STK3: variants seen among roughly 807,000 people sequenced by gnomAD.
STK3 encodes the protein serine/threonine kinase 3.
Under a neutral mutation model 58.0 loss-of-function variants are expected in STK3, and 41 were observed. That is an observed-to-expected ratio of 0.71 (90% CI 0.55 to 0.92). The LOEUF is 0.92. Ranked by LOEUF, STK3 falls within the 40% of genes least tolerant of loss-of-function variation. The pLI, the probability that STK3 is intolerant of heterozygous loss-of-function variation, is 0.00. For missense variants in STK3, 479 were observed against 602.7 expected (o/e 0.79, Z 2.15); for synonymous variants, 170 against 191.0 (o/e 0.89, Z 0.91).
At chr8:98,932,391 A>G (rs914620609) in intron 1 of STK3, among the ~76,000 whole-genome samples, 7 of 152,230 alleles carry the variant, frequency 4.6e-5, no homozygotes, top group Non-Finnish European at 1.0e-4. Flanking sequence ...AGGTCTTTAA[A>G]TATCAATAGC....
intron 9 of STK3, among the ~76,000 whole-genome samples, chr8:98,532,009 A>G (rs1826201872): frequency 6.6e-6 from 1 of 152,224 alleles, no homozygotes; most frequent in Non-Finnish European, 1.5e-5. Context: ...AACTTTCTCC[A>G]TATCAGAAAG....
chr8:98,528,320 A>C (rs1215993067), intron 9 of STK3, among the ~76,000 whole-genome samples: 3 of 152,166 alleles, frequency 2.0e-5, no homozygotes, highest in African/African-American at 7.2e-5. Context: ...CTAAATAGGA[A>C]ATAAATATTT....
chr8:98,839,806 A>G (rs1587732381), intron 3 of STK3, among the ~76,000 whole-genome samples: 1 of 152,202 alleles, frequency 6.6e-6, no homozygotes, highest in East Asian at 1.9e-4. Context: ...AGATATTAGG[A>G]AAGTTATCTC....
chr8:98,416,477 A>T (rs879615750), intron 3 of STK3, among the ~76,000 whole-genome samples: 1 of 151,068 alleles, frequency 6.6e-6, no homozygotes, highest in Non-Finnish European at 1.5e-5. Flanking sequence ...AAACAAGAGC[A>T]AAGGAAATTA....
At chr8:98,698,217 T>C (rs1161126430) in intron 6 of STK3, among the ~76,000 whole-genome samples, 1 of 151,588 alleles carries the variant, frequency 6.6e-6, no homozygotes, top group African/African-American at 2.4e-5. Flanking sequence ...ATTTGCTTGG[T>C]AGATCTTCCT....
intron 6 of STK3, chr8:98,633,768 C>A: frequency 1.8e-6 from 1 of 562,542 alleles, no homozygotes; most frequent in Non-Finnish European, 3.3e-6. Flanking sequence ...AGAGAAGAAG[C>A]TTTTTAAGCT....
chr8:98,712,322 A>C (rs1826537093), intron 4 of STK3, among the ~76,000 whole-genome samples: 1 of 152,242 alleles, frequency 6.6e-6, no homozygotes, highest in Non-Finnish European at 1.5e-5. Flanking sequence ...GCTCCAATTA[A>C]AAGACACAGA....
chr8:98,544,480 G>C (rs1810532592), intron 9 of STK3, among the ~76,000 whole-genome samples: 1 of 152,012 alleles, frequency 6.6e-6, no homozygotes, highest in Admixed American at 6.6e-5. Context: ...ATATTTATCA[G>C]AGAATTTCAC....
intron 3 of STK3, among the ~76,000 whole-genome samples, chr8:98,424,973 G>A (rs1200399540): frequency 6.6e-6 from 1 of 152,200 alleles, no homozygotes; most frequent in African/African-American, 2.4e-5. Context: ...AGGCTGTCCC[G>A]TAGGTGCTGC....
intron 6 of STK3, among the ~76,000 whole-genome samples, chr8:98,640,798 A>G (rs1253028742): frequency 6.6e-6 from 1 of 151,694 alleles, no homozygotes; most frequent in Admixed American, 6.6e-5. Flanking sequence ...TATTCTAATA[A>G]AGAAAACATA....
intron 8 of STK3, among the ~76,000 whole-genome samples, chr8:98,557,195 G>A (rs1811662924): frequency 6.6e-6 from 1 of 152,030 alleles, no homozygotes; most frequent in Non-Finnish European, 1.5e-5. Flanking sequence ...TCGGGGGCTG[G>A]TGACTGCTTG....
At chr8:98,461,583 G>A (rs1470555944) in intron 10 of STK3, among the ~76,000 whole-genome samples, 2 of 152,154 alleles carry the variant, frequency 1.3e-5, no homozygotes, top group South Asian at 2.1e-4. Flanking sequence ...CAGGCCTTGT[G>A]AGTTTTACGC....
intron 3 of STK3, among the ~76,000 whole-genome samples, chr8:98,852,510 T>G (rs1366088791): frequency 1.3e-5 from 2 of 152,204 alleles, no homozygotes; most frequent in Non-Finnish European, 2.9e-5. Context: ...ATAAATCAAA[T>G]AATCAATCTA....
In STK3 at chr8:98,795,101, AAAATATATAT is replaced by A. The variant is rs1175599503; in HGVS notation, c.27-20292_27-20283del. On this transcript the variant is annotated intron_variant, in intron 1 of 10. Coordinates refer to ENST00000419617, the MANE Select transcript of STK3 (RefSeq NM_006281.4). ...TCGCAAAAAAAAAAAAAAAAAAAAA[AAAATATATAT>A]ATATATATATATATATATACATACT... 1.9e-4 allele frequency among the ~76,000 whole-genome samples: 8 copies of A among 42,486 alleles called. No individual in the cohort carries two copies. The South Asian group carries it at 6.7e-3, about 36-fold the overall frequency. 27.9% of individuals were successfully genotyped at this position (42,486 alleles called of 152,430 possible). A position where few individuals can be genotyped will look rare whatever the true frequency, so the allele number is the denominator to read the frequency against.
Position 98,512,120 on chromosome 8 carries a change from C to T in STK3, c.1317+14622G>A, listed in dbSNP as rs1824566110. ...ATATCTCCTAATGCTATCCCTCCCT[C>T]CTCCCCCCACCACACAACAGGCTCC... On this transcript the variant is annotated intron_variant, in intron 10 of 10. Transcript: ENST00000419617. Among the ~76,000 whole-genome samples the T allele has an allele frequency of 2.0e-5, 3 of 151,776 alleles. No individual in the cohort carries two copies. The South Asian group carries it at 6.2e-4, about 32-fold the overall frequency.
At chr8:98,559,304 G>A (rs964603181) in intron 8 of STK3, among the ~76,000 whole-genome samples, 2 of 152,072 alleles carry the variant, frequency 1.3e-5, no homozygotes, top group Admixed American at 6.6e-5. Context: ...AGTGTGTTAA[G>A]GTATAATCTT....
chr8:98,782,355 G>A, intron 1 of STK3: 1 of 191,056 alleles, frequency 5.2e-6, no homozygotes, highest in Non-Finnish European at 1.1e-5. Context: ...TGCATCAGCT[G>A]CTCAAAGATA....
chr8:98,890,862 T>A (rs1243305097), intron 1 of STK3, among the ~76,000 whole-genome samples: 1 of 152,246 alleles, frequency 6.6e-6, no homozygotes, highest in Non-Finnish European at 1.5e-5. Flanking sequence ...AAGATACATC[T>A]TCTAAAACAC....
At chr8:98,664,115 CTA>C (rs1822164265) in intron 6 of STK3, among the ~76,000 whole-genome samples, 1 of 152,202 alleles carries the variant, frequency 6.6e-6, no homozygotes. Flanking sequence ...TCAGATAAGT[CTA>C]TATTCATTAA....
Sources: allele counts gnomAD v4.1 joint callset (sites outside exome capture counted in the v4.1 genomes callset), GRCh38; gene constraint gnomAD v4.1.1; transcripts MANE v1.5; gene names NCBI Gene and HGNC (gene_info 2026-07-23, HGNC 2026-07-21).